The following USP47 variants were observed in gnomAD, a reference collection of about 807,000 sequenced individuals.
USP47 encodes ubiquitin carboxyl-terminal hydrolase 47.
In USP47, 35 loss-of-function variants were observed where a neutral mutation model predicts 165.1. The ratio of observed to expected loss-of-function variants is 0.21; its 90% CI spans 0.16 to 0.28. The LOEUF (loss-of-function observed/expected upper bound fraction) is 0.28. Among genes scored for constraint, USP47 ranks in the 10% least tolerant of loss-of-function variants. The pLI is 1.00. For missense variants in USP47, 1,277 were observed against 1,607.4 expected, an observed-to-expected ratio of 0.79 and a Z score of 3.52; for synonymous variants, 531 against 544.5, an observed-to-expected ratio of 0.98 and a Z score of 0.35.
At chr11:11,895,323 C>A (rs1851780304) in intron 4 of USP47, among the ~76,000 whole-genome samples, 1 of 152,158 alleles carries the variant, frequency 6.6e-6, no homozygotes, top group Admixed American at 6.5e-5. Flanking sequence ...GTACATTTTC[C>A]TCCAGGGTTC....
At chr11:11,911,011 G>GA (rs1351503461) in intron 8 of USP47, among the ~76,000 whole-genome samples, 1 of 152,068 alleles carries the variant, frequency 6.6e-6, no homozygotes, top group African/African-American at 2.4e-5. Flanking sequence ...TGAAAACAAT[G>GA]AAAATTTTAG....
chr11:11,853,406 C>A (rs1001757851), intron 1 of USP47, among the ~76,000 whole-genome samples: 24 of 152,136 alleles, frequency 1.6e-4, no homozygotes, highest in African/African-American at 5.8e-4. Flanking sequence ...CAGACATTCT[C>A]CATTGTGGAA....
chr11:11,859,940 C>T (rs973873412), intron 1 of USP47, among the ~76,000 whole-genome samples: 2 of 151,750 alleles, frequency 1.3e-5, no homozygotes, highest in African/African-American at 4.8e-5. Flanking sequence ...CCCATCTCTA[C>T]TAAAAATACA....
chr11:11,929,683 T>C (rs1854508796), intron 12 of USP47, 118 bp downstream of exon 12: 3 of 1,375,070 alleles, frequency 2.2e-6, no homozygotes, highest in Non-Finnish European at 2.0e-6. Flanking sequence ...TTAAGACCCA[T>C]ATCAAATCTG....
rs1362770648 is a variant in USP47, at chr11:11,930,031, A to G, written c.1519-13A>G. The stretch of plus-strand genomic sequence containing the variant: ...ATAGAATTTGCAAAAAAAATCATGT[A>G]ACACATTTTCAGATAACACAAGAGG... On this transcript the variant is annotated splice_polypyrimidine_tract_variant and intron_variant, in intron 12 of 27. Coordinates refer to ENST00000527733, the MANE Select transcript of USP47 (RefSeq NM_001282659.2). 1 of 1,611,152 alleles carries G rather than the reference A, an allele frequency of 6.2e-7. No individual in the cohort carries two copies. Among genetic ancestry groups the G allele is most frequent in the Non-Finnish European group, 8.5e-7 (1 of 1,177,908 alleles).
chr11:11,899,952 TG>T (rs1453583443), intron 5 of USP47, among the ~76,000 whole-genome samples: 1 of 151,976 alleles, frequency 6.6e-6, no homozygotes, highest in Non-Finnish European at 1.5e-5. Context: ...AGCGCTACCA[TG>T]AAAGGATAGA....
chr11:11,950,305 A>C, intron 23 of USP47, 59 bp from the exon 24 acceptor site: 1 of 1,198,962 alleles, frequency 8.3e-7, no homozygotes, highest in Non-Finnish European at 1.2e-6. Flanking sequence ...GATTAGTGTC[A>C]ATCTTTAAAT....
chr11:11,869,303 G>A (rs1211543702), intron 1 of USP47, among the ~76,000 whole-genome samples: 1 of 149,798 alleles, frequency 6.7e-6, no homozygotes, highest in Non-Finnish European at 1.5e-5. Context: ...AAGATGGAGA[G>A]TTAGGTTGAG....
chr11:11,893,579 G>A (rs561440483), intron 4 of USP47, among the ~76,000 whole-genome samples: 14 of 152,132 alleles, frequency 9.2e-5, no homozygotes, highest in Non-Finnish European at 1.8e-4. Flanking sequence ...TAGGACTACA[G>A]GTGTGCACCA....
At chr11:11,886,597 A>T (rs1251513835) in intron 3 of USP47, among the ~76,000 whole-genome samples, 2 of 152,218 alleles carry the variant, frequency 1.3e-5, no homozygotes, top group African/African-American at 4.8e-5. Context: ...GATTATGTAA[A>T]GAGACCAAAC....
At chr11:11,877,858 TGCGC>T (rs879345922) in intron 1 of USP47, among the ~76,000 whole-genome samples, 1 of 79,120 alleles carries the variant, frequency 1.3e-5, no homozygotes, top group Non-Finnish European at 2.5e-5. Flanking sequence ...TGTGTGTGTG[TGCGC>T]GCGCGCAGAT....
At chr11:11,903,421 A>G in intron 7 of USP47, 79 bp downstream of exon 7, 3 of 1,387,516 alleles carry the variant, frequency 2.2e-6, no homozygotes, top group Non-Finnish European at 3.0e-6. Context: ...ATTCTGTTGG[A>G]ATGTTTTAAA....
At chr11:11,842,319 G>A (rs1384560812) in intron 1 of USP47, 95 bp downstream of exon 1, 5 of 1,404,648 alleles carry the variant, frequency 3.6e-6, no homozygotes, top group African/African-American at 2.9e-5. Context: ...CGGCCGGGGT[G>A]CAGGCTCGGC....
At chr11:11,859,836 G>A (rs1334974790) in intron 1 of USP47, among the ~76,000 whole-genome samples, 1 of 152,116 alleles carries the variant, frequency 6.6e-6, no homozygotes, top group Non-Finnish European at 1.5e-5. Flanking sequence ...AGGCACCGTG[G>A]CTCACGCCTG....
At position 11,952,818 on chromosome 11, in the gene USP47, C is replaced by T; in HGVS notation, c.3661C>T (p.Pro1221Ser). 6.2e-7 allele frequency: 1 copy of T among 1,612,894 alleles called. No homozygotes were observed. The highest frequency in any genetic ancestry group is 8.5e-7 in the Non-Finnish European group (1 of 1,179,340). Reference sequence around the variant, plus strand: ...GAAGCCTTCAGAGATGAAGTTGGATCCCTTCCAGGAGGTTGTATTGGAAAG... The same window carrying T: ...GAAGCCTTCAGAGATGAAGTTGGATTCCTTCCAGGAGGTTGTATTGGAAAG... ...RWKPSEMKLD[P>S]FQEVVLESSS... Residue 1221 changes from proline (P) to serine (S), a missense_variant, in exon 25 of 28, where the codon CCC (proline) becomes TCC (serine). By Grantham distance (74) the Pro-to-Ser change is moderately conservative. Transcript: ENST00000527733.
intron 8 of USP47, among the ~76,000 whole-genome samples, chr11:11,916,021 A>G (rs1488608904): frequency 2.0e-5 from 3 of 152,226 alleles, no homozygotes; most frequent in African/African-American, 7.2e-5. Context: ...CCTTGCATAT[A>G]CCTTTTGATT....
chr11:11,908,557 G>A (rs1852735690), intron 8 of USP47, among the ~76,000 whole-genome samples: 1 of 151,882 alleles, frequency 6.6e-6, no homozygotes, highest in Non-Finnish European at 1.5e-5. Context: ...ACTGAAAGTA[G>A]CACTCATCTA....
At chr11:11,878,472 AG>A (rs1004173016) in intron 1 of USP47, among the ~76,000 whole-genome samples, 9 of 152,210 alleles carry the variant, frequency 5.9e-5, no homozygotes, top group Non-Finnish European at 1.3e-4. Flanking sequence ...ATTTTTAAAA[AG>A]ATCTATTTTA....
intron 1 of USP47, among the ~76,000 whole-genome samples, chr11:11,855,929 A>G (rs1052818835): frequency 6.6e-6 from 1 of 152,216 alleles, no homozygotes; most frequent in African/African-American, 2.4e-5. Flanking sequence ...AGACAAATAT[A>G]TAATGTGGAA....
Sources: allele counts gnomAD v4.1 joint callset (sites outside exome capture counted in the v4.1 genomes callset), GRCh38; gene constraint gnomAD v4.1.1; transcripts MANE v1.5; gene names NCBI Gene and HGNC (gene_info 2026-07-23, HGNC 2026-07-21).